The following EYA4 variants were observed in gnomAD, a reference collection of about 807,000 sequenced individuals.
EYA4 encodes protein phosphatase EYA4.
EYA4 carries 31 observed loss-of-function variants against 87.9 expected under a neutral mutation model. The observed-to-expected ratio is 0.35, with a 90% CI of 0.27 to 0.48. The LOEUF is 0.48. Ranked by LOEUF, EYA4 falls within the 20% of genes least tolerant of loss-of-function variation. EYA4 has a pLI of 0.99. For synonymous variants in EYA4, 263 were observed against 270.6 expected, an observed-to-expected ratio of 0.97 and a Z score of 0.28; for missense variants, 678 against 761.4, an observed-to-expected ratio of 0.89 and a Z score of 1.29.
chr6:133,313,169 G>C (rs1273976809), intron 2 of EYA4, among the ~76,000 whole-genome samples: 1 of 152,196 alleles, frequency 6.6e-6, no homozygotes, highest in Non-Finnish European at 1.5e-5. Context: ...GGGTGTGGGA[G>C]AGCTTGCTTT....
At chr6:133,359,663 AT>A (rs1452267524) in intron 2 of EYA4, among the ~76,000 whole-genome samples, 3 of 152,320 alleles carry the variant, frequency 2.0e-5, no homozygotes, top group African/African-American at 7.2e-5. Context: ...ACTATTCCTA[AT>A]TGTAAAATTG....
At position 133,528,922 on chromosome 6, in the gene EYA4, T is replaced by G; in HGVS notation, c.*117T>G. On this transcript the variant is annotated 3_prime_UTR_variant, in exon 20 of 20. Transcript: ENST00000355286. ...TTGTCTTAATGGATGAAATCATATT[T>G]GGAATAAAAATTCCAGAATGAAGAA... 6.3e-7 allele frequency: 1 copy of G among 1,577,756 alleles called. No homozygotes were observed. The highest frequency in any genetic ancestry group is 1.9e-4 in the Middle Eastern group (1 of 5,318).
chr6:133,251,387 C>G (rs2128230293), intron 1 of EYA4, among the ~76,000 whole-genome samples: 1 of 152,174 alleles, frequency 6.6e-6, no homozygotes, highest in Non-Finnish European at 1.5e-5. Context: ...TTTAGAGAGA[C>G]AGTAGGAGGT....
chr6:133,330,120 A>G (rs1433032718), intron 2 of EYA4, among the ~76,000 whole-genome samples: 1 of 152,128 alleles, frequency 6.6e-6, no homozygotes, highest in Non-Finnish European at 1.5e-5. Flanking sequence ...TACTAATTGT[A>G]GCAGCTGACT....
intron 3 of EYA4, among the ~76,000 whole-genome samples, chr6:133,425,540 ACTTT>A (rs2128571461): frequency 6.6e-6 from 1 of 150,670 alleles, no homozygotes; most frequent in South Asian, 2.1e-4. Context: ...CAGTCCCTCC[ACTTT>A]CTTCCTGTTT....
chr6:133,378,905 G>T (rs868636206), intron 2 of EYA4, among the ~76,000 whole-genome samples: 1 of 144,778 alleles, frequency 6.9e-6, no homozygotes, highest in African/African-American at 2.6e-5. Flanking sequence ...ATTCATTTAC[G>T]CTATTCATCC....
intron 1 of EYA4, among the ~76,000 whole-genome samples, chr6:133,268,254 A>G (rs1416988285): frequency 6.6e-6 from 1 of 152,194 alleles, no homozygotes; most frequent in Non-Finnish European, 1.5e-5. Flanking sequence ...TTTACTAAAG[A>G]TATTTTCCAT....
chr6:133,468,578 T>C lies in EYA4; in HGVS notation c.817T>C (p.Tyr273His). The stretch of plus-strand genomic sequence containing the variant: ...ATTATTGTTTCAGGATTATCCATCC[T>C]ATACAGCCTTTGGCCAAAACCAGTA... Reference protein sequence around the residue: ...FSGSQQDYPSYTAFGQNQYAQ... With the variant: ...FSGSQQDYPSHTAFGQNQYAQ... The change falls in exon 11 of 20, where the codon TAT (tyrosine) becomes CAT (histidine). Residue 273 changes from tyrosine to histidine, a missense_variant. Tyr to His is a moderately conservative substitution (Grantham distance 83). Transcript: ENST00000355286. The C allele has an allele frequency of 6.2e-7, 1 of 1,610,728 alleles. No individual in the cohort carries two copies. Among genetic ancestry groups the C allele is most frequent in the Non-Finnish European group, 8.5e-7 (1 of 1,177,266 alleles).
intron 2 of EYA4, among the ~76,000 whole-genome samples, chr6:133,282,683 C>A (rs7747638): frequency 6.6e-6 from 1 of 151,982 alleles, no homozygotes; most frequent in African/African-American, 2.4e-5. Flanking sequence ...CTAAATATTA[C>A]GTTTTCTTCT....
chr6:133,411,623 C>G (rs1239390426), intron 3 of EYA4, among the ~76,000 whole-genome samples: 2 of 152,006 alleles, frequency 1.3e-5, no homozygotes, highest in African/African-American at 4.8e-5. Context: ...ATGACTCAGT[C>G]TATCTTGCTT....
At chr6:133,402,862 G>A (rs952260307) in intron 3 of EYA4, among the ~76,000 whole-genome samples, 2 of 152,166 alleles carry the variant, frequency 1.3e-5, no homozygotes, top group Admixed American at 6.5e-5. Flanking sequence ...AGACCAGTAA[G>A]AATTAGGGAA....
At chr6:133,387,515 G>A (rs768724249) in intron 3 of EYA4, among the ~76,000 whole-genome samples, 19 of 152,216 alleles carry the variant, frequency 1.2e-4, no homozygotes, top group Non-Finnish European at 1.9e-4. Context: ...ACATGATCTG[G>A]TTGTACAGAC....
intron 11 of EYA4, among the ~76,000 whole-genome samples, chr6:133,468,961 T>G (rs1278151160): frequency 1.3e-5 from 2 of 152,078 alleles, no homozygotes; most frequent in Admixed American, 6.6e-5. Flanking sequence ...GGTGTACATA[T>G]GAATATGGAG....
intron 2 of EYA4, among the ~76,000 whole-genome samples, chr6:133,348,261 G>GT (rs35905853): frequency 0.02 from 1,348 of 68,774 alleles, 318 homozygotes; most frequent in African/African-American, 0.04. Flanking sequence ...TCTTCAAGTA[G>GT]TTTTTTTTTT....
chr6:133,357,184 T>C (rs1784122018), intron 2 of EYA4, among the ~76,000 whole-genome samples: 1 of 139,560 alleles, frequency 7.2e-6, no homozygotes, highest in Non-Finnish European at 1.5e-5. Context: ...GGCAGGAGAA[T>C]GGCGTGAACC....
At chr6:133,487,869 A>T (rs906615725) in intron 13 of EYA4, among the ~76,000 whole-genome samples, 5 of 152,210 alleles carry the variant, frequency 3.3e-5, no homozygotes, top group Middle Eastern at 3.4e-3. Flanking sequence ...AATAAAGGGG[A>T]CTTCCTCTTG....
In EYA4 at chr6:133,483,161, TTG is replaced by T. The variant is rs1183891571; in HGVS notation, c.1191+50_1191+51del. On this transcript the variant is annotated intron_variant, in intron 13 of 19. Coordinates refer to ENST00000355286, the MANE Select transcript of EYA4 (RefSeq NM_004100.5). ...ACTCCAAGAAATCTTGTTAAATTTT[TTG>T]TGTTTGTTTAAAATCAAGGGCTATT... The T allele has an allele frequency of 4.1e-6, 6 of 1,472,002 alleles. No homozygotes were observed. The African/African-American group carries it at 4.2e-5, about 10-fold the overall frequency. 91.2% of individuals were successfully genotyped at this position (1,472,002 alleles called of 1,614,324 possible). A position where few individuals can be genotyped will look rare whatever the true frequency, so the allele number is the denominator to read the frequency against.
chr6:133,442,511 G>T (rs1315533096), intron 3 of EYA4, among the ~76,000 whole-genome samples: 1 of 151,990 alleles, frequency 6.6e-6, no homozygotes, highest in East Asian at 1.9e-4. Context: ...TTTAGTACTG[G>T]CAAGGTCCTT....
chr6:133,506,630 G>A (rs969362841), intron 14 of EYA4, among the ~76,000 whole-genome samples: 11 of 152,202 alleles, frequency 7.2e-5, no homozygotes, highest in Admixed American at 3.3e-4. Flanking sequence ...ATCATTCCCC[G>A]TTTCTTTCCC....
Sources: allele counts gnomAD v4.1 joint callset (sites outside exome capture counted in the v4.1 genomes callset), GRCh38; gene constraint gnomAD v4.1.1; transcripts MANE v1.5; gene names NCBI Gene and HGNC (gene_info 2026-07-23, HGNC 2026-07-21).